The following XCL2 variants were observed in gnomAD, a reference collection of about 807,000 sequenced individuals.
XCL2 encodes cytokine SCM-1 beta.
In XCL2, 8 loss-of-function variants were observed where a neutral mutation model predicts 7.2. That is an observed-to-expected ratio of 1.10 (90% CI 0.65 to 1.99). The LOEUF (loss-of-function observed/expected upper bound fraction) is 1.99, where lower values mean the gene tolerates loss of function less well. XCL2 is among the 30% of genes most tolerant of loss of function. The probability of loss-of-function intolerance (pLI) is 0.00; values close to 1 mark genes in which losing one functional copy is unlikely to be tolerated. For synonymous variants in XCL2, 46 were observed against 54.2 expected, an observed-to-expected ratio of 0.85 and a Z score of 0.67; for missense variants, 131 against 138.6, an observed-to-expected ratio of 0.94 and a Z score of 0.28.
At chr1:168,542,884 A>G (rs55863344) in intron 1 of XCL2, 79,352 of 211,546 alleles carry the variant, frequency 0.38, 16,448 homozygotes, top group East Asian at 0.71. Context: ...AGCCCAAAAG[A>G]GACCTCCACT....
rs530567551 is a variant in XCL2 at position 168,542,157 on chromosome 1, A to G, written c.62-50T>C. 29 of 1,415,744 alleles carry G rather than the reference A, an allele frequency of 2.0e-5. No homozygotes were observed. In the East Asian group the frequency reaches 6.3e-4, roughly 31 times the overall value. 87.7% of individuals were successfully genotyped at this position (1,415,744 alleles called of 1,614,324 possible). ...ACAATTAAAAATAAAGCAATTACCC[A>G]GATCACAGGAACAATCGTCTGTTAA... On this transcript the variant is annotated intron_variant, in intron 1 of 2. Coordinates refer to ENST00000367819, the MANE Select transcript of XCL2 (RefSeq NM_003175.4).
At position 168,540,809 on chromosome 1, in the gene XCL2, A is replaced by G; in HGVS notation, c.*143T>C. On this transcript the variant is annotated 3_prime_UTR_variant, in exon 3 of 3. Coordinates refer to ENST00000367819, the MANE Select transcript of XCL2 (RefSeq NM_003175.4). ...TATTAATTAGAACATATAAGTGAAT[A>G]CAGAAGACATTTAAAAGTAAAAATA... 5 of 1,005,226 alleles carry G rather than the reference A, an allele frequency of 5.0e-6. No individual in the cohort carries two copies. Among genetic ancestry groups the G allele is most frequent in the Non-Finnish European group, 5.6e-6 (4 of 714,524 alleles). The allele number at this position is 1,005,226 out of a possible 1,614,324, so 62.3% of individuals were successfully genotyped here.
intron 2 of XCL2, among the ~76,000 whole-genome samples, chr1:168,541,593 C>A (rs1433339200): frequency 3.3e-5 from 5 of 152,128 alleles, no homozygotes. Context: ...TGCATTGACT[C>A]ATTTTCTTGA....
At position 168,540,906 on chromosome 1, in the gene XCL2, G is replaced by C. The variant is rs1479054618; in HGVS notation, c.*46C>G. On this transcript the variant is annotated 3_prime_UTR_variant, in exon 3 of 3. Transcript: ENST00000367819. ...TAATCTCAGTCCATGAGGGTGTAAA[G>C]TGAAATGAGCTGGCTGGCTGGAGAC... 6.2e-7 allele frequency: 1 copy of C among 1,603,794 alleles called. No homozygotes were observed. The highest frequency in any genetic ancestry group is 8.5e-7 in the Non-Finnish European group (1 of 1,172,960).
In XCL2 at chr1:168,540,963, G is replaced by A; in HGVS notation, c.334C>T (p.Leu112=). ...TQQSTNTAVT[L]TG is the part of the protein sequence containing the mutation. ...GGTGCCAGAGACTACTAGCCAGTCA[G>A]GGTCACAGCTGTATTGGTCGATTGC... The change falls in exon 3 of 3, where the codon CTG becomes TTG. Residue 112 remains leucine, a synonymous_variant. Coordinates refer to ENST00000367819, the MANE Select transcript of XCL2 (RefSeq NM_003175.4). 6.2e-7 allele frequency: 1 copy of A among 1,613,618 alleles called. No individual in the cohort carries two copies. The highest frequency in any genetic ancestry group is 8.5e-7 in the Non-Finnish European group (1 of 1,179,650).
chr1:168,543,427 C>G (rs1376086859), intron 1 of XCL2: 3 of 179,200 alleles, frequency 1.7e-5, no homozygotes, highest in African/African-American at 4.8e-5. Flanking sequence ...TAACTGAACT[C>G]TCTAAGATTT....
intron 2 of XCL2, among the ~76,000 whole-genome samples, chr1:168,541,685 C>G (rs1203729266): frequency 1.3e-5 from 2 of 152,096 alleles, no homozygotes; most frequent in African/African-American, 4.8e-5. Context: ...GCAGGGAAAC[C>G]CTGACATGAG....
chr1:168,541,153 C>T, intron 2 of XCL2, 33 bp from the exon 3 acceptor site: 1 of 1,609,136 alleles, frequency 6.2e-7, no homozygotes, highest in Non-Finnish European at 8.5e-7. Flanking sequence ...ATGAAGTTAG[C>T]CACGTTCTCA....
At chr1:168,542,554 A>T (rs1654311809) in intron 1 of XCL2, among the ~76,000 whole-genome samples, 1 of 152,070 alleles carries the variant, frequency 6.6e-6, no homozygotes, top group Non-Finnish European at 1.5e-5. Flanking sequence ...AACAGAAAAG[A>T]TCATTTCAAA....
Position 168,540,954 on chromosome 1 carries a change from A to G in XCL2, c.343T>C (p.Ter115GlnextTer1). Reference sequence around the variant, plus strand: ...GACGGACAGGGTGCCAGAGACTACTAGCCAGTCAGGGTCACAGCTGTATTG... The same window carrying G: ...GACGGACAGGGTGCCAGAGACTACTGGCCAGTCAGGGTCACAGCTGTATTG... Reference protein sequence around the residue: ...STNTAVTLTG* With the variant: ...STNTAVTLTGQ The change falls in exon 3 of 3, where the codon TAG (stop) becomes CAG (glutamine). Residue 115 changes from the stop codon to glutamine, a stop_lost. Transcript: ENST00000367819. The G allele has an allele frequency of 1.2e-6, 2 of 1,613,510 alleles. No homozygotes were observed. Among genetic ancestry groups the G allele is most frequent in the Non-Finnish European group, 8.5e-7 (1 of 1,179,598 alleles).
rs878962954 is a variant in XCL2, at chr1:168,541,175, T to A, written c.177-55A>T. Reference sequence around the variant, plus strand: ...TAGCCACGTTCTCAAAGCCTCAGGGTCAGGAGTTAAGATCAGGGCAGACAT... The same window carrying A: ...TAGCCACGTTCTCAAAGCCTCAGGGACAGGAGTTAAGATCAGGGCAGACAT... On this transcript the variant is annotated intron_variant, in intron 2 of 2. Transcript: ENST00000367819. 19 of 1,598,270 alleles carry A rather than the reference T, an allele frequency of 1.2e-5. No individual in the cohort carries two copies. In the African/African-American group the frequency reaches 1.7e-4, roughly 15 times the overall value.
At position 168,542,702 on chromosome 1, in the gene XCL2, C is replaced by G. The variant is rs140516634; in HGVS notation, c.62-595G>C. On this transcript the variant is annotated intron_variant, in intron 1 of 2. Coordinates refer to ENST00000367819, the MANE Select transcript of XCL2 (RefSeq NM_003175.4). ...AAAGGTGTTCCCCTTTTTAAATGGT[C>G]AAATTTCCCTCTCTGTCAGCTGCCT... 46 of 162,074 alleles carry G rather than the reference C, an allele frequency of 2.8e-4. No individual in the cohort carries two copies. The East Asian group carries it at 8.2e-3, about 29-fold the overall frequency. The allele number at this position is 162,074 out of a possible 1,614,324, so 10.0% of individuals were successfully genotyped here.
intron 2 of XCL2, among the ~76,000 whole-genome samples, chr1:168,541,440 A>C (rs1383007769): frequency 1.3e-5 from 2 of 151,764 alleles, no homozygotes; most frequent in African/African-American, 4.8e-5. Context: ...TTCCTTTTCA[A>C]ATTTGAAAAT....
chr1:168,543,449 C>G (rs2101816778), intron 1 of XCL2: 1 of 176,194 alleles, frequency 5.7e-6, no homozygotes, highest in Non-Finnish European at 1.2e-5. Context: ...GATAATTTAT[C>G]AAACTATATA....
At chr1:168,541,966 G>A (rs751296820) in intron 2 of XCL2, 27 bp downstream of exon 2, 14 of 1,607,588 alleles carry the variant, frequency 8.7e-6, no homozygotes, top group Non-Finnish European at 1.2e-5. Context: ...TACCCACCCA[G>A]CCCAACTTCT....
intron 1 of XCL2, 66 bp downstream of exon 1, chr1:168,543,838 C>G: frequency 2.5e-6 from 4 of 1,606,666 alleles, no homozygotes; most frequent in Non-Finnish European, 3.4e-6. Flanking sequence ...CCGAGTCAAA[C>G]CCAAAATGTG....
chr1:168,540,796 CA>C lies in XCL2; in HGVS notation c.*155del, dbSNP rs1654258368. 1 of 835,220 alleles carries C rather than the reference CA, an allele frequency of 1.2e-6. No homozygotes were observed. Among genetic ancestry groups the C allele is most frequent in the Non-Finnish European group, 1.7e-6 (1 of 575,120 alleles). The allele number at this position is 835,220 out of a possible 1,614,324, so 51.7% of individuals were successfully genotyped here. A position where few individuals can be genotyped will look rare whatever the true frequency, so the allele number is the denominator to read the frequency against. ...ATAATAAATAATTTATTAATTAGAA[CA>C]TATAAGTGAATACAGAAGACATTTA... On this transcript the variant is annotated 3_prime_UTR_variant, in exon 3 of 3. Coordinates refer to ENST00000367819, the MANE Select transcript of XCL2 (RefSeq NM_003175.4).
chr1:168,543,838 C>A, intron 1 of XCL2, 66 bp downstream of exon 1: 1 of 1,606,666 alleles, frequency 6.2e-7, no homozygotes, highest in Non-Finnish European at 8.5e-7. Context: ...CCGAGTCAAA[C>A]CCAAAATGTG....
intron 1 of XCL2, among the ~76,000 whole-genome samples, chr1:168,542,430 T>G (rs1654307967): frequency 6.6e-6 from 1 of 152,128 alleles, no homozygotes; most frequent in South Asian, 2.1e-4. Context: ...TGACACGCAT[T>G]CATTCATTTA....
Sources: gnomAD v4.1 joint callset for allele counts (sites outside exome capture counted in the v4.1 genomes callset) on GRCh38, gnomAD v4.1.1 for gene constraint, MANE v1.5 for transcripts, NCBI Gene and HGNC (gene_info 2026-07-23, HGNC 2026-07-21) for gene names.